Variants in SPRED1 observed in about 807,000 individuals in gnomAD.
The protein encoded by SPRED1 is sprouty-related, EVH1 domain-containing protein 1.
A neutral mutation model predicts 52.3 loss-of-function variants in SPRED1; 18 were observed. The observed-to-expected ratio is 0.34, with a 90% CI of 0.24 to 0.51. The LOEUF is 0.51. Among genes scored for constraint, SPRED1 ranks in the 20% least tolerant of loss-of-function variants. The pLI is 0.97. For synonymous variants in SPRED1, 155 were observed against 179.7 expected, an observed-to-expected ratio of 0.86 and a Z score of 1.10; for missense variants, 485 against 551.0, an observed-to-expected ratio of 0.88 and a Z score of 1.20.
intron 1 of SPRED1, among the ~76,000 whole-genome samples, chr15:38,291,636 A>G (rs1327070666): frequency 6.6e-6 from 1 of 152,210 alleles, no homozygotes; most frequent in African/African-American, 2.4e-5. Flanking sequence ...CACAGGTTCA[A>G]CACCATGTAG....
At chr15:38,255,131 A>C (rs971418966) in intron 1 of SPRED1, among the ~76,000 whole-genome samples, 1 of 152,240 alleles carries the variant, frequency 6.6e-6, no homozygotes, top group Non-Finnish European at 1.5e-5. Context: ...TGCCATAAAT[A>C]AATTGAGACA....
chr15:38,281,641 G>C (rs1441328900), intron 1 of SPRED1, among the ~76,000 whole-genome samples: 1 of 143,160 alleles, frequency 7.0e-6, no homozygotes, highest in Non-Finnish European at 1.5e-5. Context: ...GGCTGCAAGT[G>C]ATCCTCCTCA....
chr15:38,286,543 T>C (rs1451891900), intron 1 of SPRED1, among the ~76,000 whole-genome samples: 2 of 3,512 alleles, frequency 5.7e-4, no homozygotes, highest in African/African-American at 5.8e-4. Flanking sequence ...TACTTATGGC[T>C]TTTTTTTTTT....
At position 38,322,338 on chromosome 15, in the gene SPRED1, C is replaced by G. The variant is rs754706111; in HGVS notation, c.305C>G (p.Thr102Arg). 1 of 1,613,878 alleles carries G rather than the reference C, an allele frequency of 6.2e-7. No individual in the cohort carries two copies. The highest frequency in any genetic ancestry group is 8.5e-7 in the Non-Finnish European group (1 of 1,179,892). The part of the protein sequence containing the change: ...WKIDDKKFGL[T>R]FQSPADARAF... ...ATTGATGACAAGAAGTTTGGTCTTA[C>G]GTTTCAAAGTCCTGCTGATGCTAGG... The change falls in exon 3 of 7, where the codon ACG (threonine) becomes AGG (arginine). Residue 102 changes from threonine to arginine, a missense_variant. Physicochemically the swap from Thr to Arg is moderately conservative, Grantham distance 71. Transcript: ENST00000299084.
intron 1 of SPRED1, among the ~76,000 whole-genome samples, chr15:38,267,293 C>T (rs564051185): frequency 6.6e-6 from 1 of 152,246 alleles, no homozygotes; most frequent in South Asian, 2.1e-4. Context: ...CTTGTTATCT[C>T]TTTAAAGAAC....
At chr15:38,293,521 A>C (rs1176688894) in intron 1 of SPRED1, among the ~76,000 whole-genome samples, 1 of 152,204 alleles carries the variant, frequency 6.6e-6, no homozygotes, top group East Asian at 1.9e-4. Flanking sequence ...GGAGTAATAC[A>C]GATCTTCGTC....
At chr15:38,335,678 A>G (rs528018200) in intron 4 of SPRED1, among the ~76,000 whole-genome samples, 1 of 152,182 alleles carries the variant, frequency 6.6e-6, no homozygotes, top group Admixed American at 6.6e-5. Context: ...ACAATGGCCT[A>G]TACCCGTCTG....
At chr15:38,323,513 AGAGTC>A (rs1208958585) in intron 3 of SPRED1, among the ~76,000 whole-genome samples, 5 of 152,128 alleles carry the variant, frequency 3.3e-5, no homozygotes, top group Admixed American at 1.3e-4. Context: ...TCTGGGGAAT[AGAGTC>A]GAGTCATCCC....
chr15:38,301,994 T>C (rs1246060606), intron 2 of SPRED1, among the ~76,000 whole-genome samples: 2 of 152,142 alleles, frequency 1.3e-5, no homozygotes, highest in South Asian at 4.1e-4. Context: ...ACTTTAGTAG[T>C]AGTTCTGATG....
At chr15:38,322,479 T>A in intron 3 of SPRED1, 70 bp downstream of exon 3, 1 of 1,550,744 alleles carries the variant, frequency 6.4e-7, no homozygotes, top group Non-Finnish European at 8.9e-7. Flanking sequence ...TTTCTTAAAG[T>A]TGACCCAAAG....
chr15:38,292,556 G>A (rs934826436), intron 1 of SPRED1, among the ~76,000 whole-genome samples: 30 of 152,288 alleles, frequency 2.0e-4, no homozygotes, highest in African/African-American at 7.2e-4. Flanking sequence ...GCATTTATAT[G>A]ATGGCAACAA....
intron 4 of SPRED1, among the ~76,000 whole-genome samples, chr15:38,330,837 T>C (rs1258161949): frequency 6.6e-6 from 1 of 152,140 alleles, no homozygotes; most frequent in African/African-American, 2.4e-5. Context: ...TGATATCCCT[T>C]TTTTTCTGCA....
At chr15:38,284,771 A>G (rs1894769953) in intron 1 of SPRED1, among the ~76,000 whole-genome samples, 1 of 151,718 alleles carries the variant, frequency 6.6e-6, no homozygotes, top group South Asian at 2.1e-4. Flanking sequence ...GTTATCACCT[A>G]CTAAATGTTT....
chr15:38,267,068 A>G (rs1566848675), intron 1 of SPRED1, among the ~76,000 whole-genome samples: 1 of 152,246 alleles, frequency 6.6e-6, no homozygotes. Flanking sequence ...ACAATGAGCA[A>G]TAATTACATC....
At chr15:38,261,086 CA>C (rs745515406) in intron 1 of SPRED1, among the ~76,000 whole-genome samples, 1 of 152,160 alleles carries the variant, frequency 6.6e-6, no homozygotes, top group Non-Finnish European at 1.5e-5. Flanking sequence ...ATGAGAAAAG[CA>C]GTGCATTTTA....
rs914817065 is a variant in SPRED1, at chr15:38,356,656, C to T, written c.*4992C>T. 6.6e-6 allele frequency: 1 copy of T among 151,846 alleles called. No individual in the cohort carries two copies. The highest frequency in any genetic ancestry group is 2.4e-5 in the African/African-American group (1 of 41,352). 9.4% of individuals were successfully genotyped at this position (151,846 alleles called of 1,614,324 possible). A position where few individuals can be genotyped will look rare whatever the true frequency, so the allele number is the denominator to read the frequency against. ...TGTATTCAGATTTTTTTTTAAGTCT[C>T]TAAGCTAATAATGTTATATTTATTG... On this transcript the variant is annotated 3_prime_UTR_variant, in exon 7 of 7. Coordinates refer to ENST00000299084, the MANE Select transcript of SPRED1 (RefSeq NM_152594.3).
intron 5 of SPRED1, among the ~76,000 whole-genome samples, chr15:38,347,461 CTTTTTTTTTTTTTT>C (rs3075337): frequency 1.1e-5 from 1 of 93,224 alleles, no homozygotes; most frequent in South Asian, 3.9e-4. Context: ...CCGCTTGGAT[CTTTTTTTTTTTTTT>C]TTTTTTTTTT....
rs75865030 is a variant in SPRED1 at position 38,303,731 on chromosome 15, A to G, written c.207+4184A>G. Among the ~76,000 whole-genome samples, 229 of 152,228 alleles carry G rather than the reference A, an allele frequency of 1.5e-3. 5 individuals carry two copies. In the East Asian group the frequency reaches 0.041, roughly 27 times the overall value. ...AAAATTTGCTAAAGCTATGCTTTTT[A>G]AACCATATTATGGGCTAAGGTATGA... On this transcript the variant is annotated intron_variant, in intron 2 of 6. Coordinates refer to ENST00000299084, the MANE Select transcript of SPRED1 (RefSeq NM_152594.3).
chr15:38,349,387 T>C (rs1291706077), intron 5 of SPRED1, 35 bp from the exon 6 acceptor site: 4 of 1,480,144 alleles, frequency 2.7e-6, no homozygotes. Context: ...AGTAAAATTC[T>C]TGTGTCATTT....
Sources: allele counts gnomAD v4.1 joint callset (sites outside exome capture counted in the v4.1 genomes callset), GRCh38; gene constraint gnomAD v4.1.1; transcripts MANE v1.5; gene names NCBI Gene and HGNC (gene_info 2026-07-23, HGNC 2026-07-21).